Variants in CCDC141 observed in about 807,000 individuals in gnomAD.
The protein encoded by CCDC141 is coiled-coil domain containing 141.
CCDC141 carries 168 observed loss-of-function variants against 181.0 expected under a neutral mutation model. The observed-to-expected ratio is 0.93, with a 90% CI of 0.82 to 1.05. The LOEUF (loss-of-function observed/expected upper bound fraction) is 1.05. Ranked by LOEUF, CCDC141 falls within the 50% of genes least tolerant of loss-of-function variation. The pLI, the probability that CCDC141 is intolerant of heterozygous loss-of-function variation, is 0.00. For synonymous variants in CCDC141, 666 were observed against 642.3 expected, an observed-to-expected ratio of 1.04 and a Z score of -0.56; for missense variants, 1,902 against 1,788.5, an observed-to-expected ratio of 1.06 and a Z score of -1.14.
intron 4 of CCDC141, among the ~76,000 whole-genome samples, chr2:178,962,952 G>C (rs1006061219): frequency 2.6e-5 from 4 of 151,984 alleles, no homozygotes; most frequent in East Asian, 1.9e-4. Context: ...CATGTCAACT[G>C]TCACTTCCTC....
rs1349947634 is a variant in CCDC141 at position 178,878,039 on chromosome 2, C to G, written c.1824G>C (p.Lys608Asn). 1 of 1,613,912 alleles carries G rather than the reference C, an allele frequency of 6.2e-7. No homozygotes were observed. Among genetic ancestry groups the G allele is most frequent in the East Asian group, 2.2e-5 (1 of 44,866 alleles). The change falls in exon 12 of 24, where the codon AAG becomes AAC. Residue 608 changes from lysine (K) to asparagine (N), a missense_variant. Lys to Asn is a moderately conservative substitution (Grantham distance 94, BLOSUM62 0). Transcript: ENST00000443758. Reference sequence around the variant, plus strand: ...TCTTCTTTAAAAATAGCTGCCACTGCTTCTCAGCCGAGTCAGAACAATGCT... The same window carrying G: ...TCTTCTTTAAAAATAGCTGCCACTGGTTCTCAGCCGAGTCAGAACAATGCT... ...KAKHCSDSAE[K>N]QWQLFLKKSF...
At chr2:178,815,870 G>A in the CCDC141 span, among the ~76,000 whole-genome samples, 1 of 152,120 alleles carries the variant, frequency 6.6e-6, no homozygotes, top group Non-Finnish European at 1.5e-5. Context: ...TGAGTAGGGA[G>A]AGGCAACTGT....
In CCDC141 at chr2:178,853,478, C is replaced by A. The variant is rs373260016; in HGVS notation, c.3207G>T (p.Arg1069Ser). The A allele has an allele frequency of 1.9e-6, 3 of 1,614,004 alleles. No individual in the cohort carries two copies. Among genetic ancestry groups the A allele is most frequent in the African/African-American group, 2.7e-5 (2 of 74,930 alleles). ...GAGCAAGGTCAGTGGCCTCCTGAATCCTTTCTTCTTGCTGCGGCACTGAGG... is the reference window on the plus strand; with the variant it reads ...GAGCAAGGTCAGTGGCCTCCTGAATACTTTCTTCTTGCTGCGGCACTGAGG... ...IAPSVPQQEE[R>S]IQEATDLAQH... Residue 1069 changes from arginine to serine, a missense_variant, in exon 20 of 24, where the codon AGG (arginine) becomes AGT (serine). Arg to Ser is a moderately radical substitution (Grantham distance 110, BLOSUM62 -1). Transcript: ENST00000443758.
rs1307149657 is a variant in CCDC141, at chr2:178,984,350, G to A, written c.226-5675C>T. On this transcript the variant is annotated intron_variant, in intron 2 of 23. Transcript: ENST00000443758. ...TGGAAAGGAACAACCAGTACCAGCC[G>A]CTGCAAAATCATGCCAAAATGTAAC... Among the ~76,000 whole-genome samples the A allele has an allele frequency of 1.3e-4, 19 of 151,120 alleles. No individual in the cohort carries two copies. In the East Asian group the frequency reaches 1.6e-3, roughly 12 times the overall value.
intron 2 of CCDC141, among the ~76,000 whole-genome samples, chr2:178,997,927 C>T (rs746494031): frequency 1.3e-5 from 2 of 152,092 alleles, no homozygotes; most frequent in African/African-American, 2.4e-5. Flanking sequence ...CTATTGCTGT[C>T]GGCTGTAGAT....
chr2:179,046,662 G>A (rs991415132), intron 2 of CCDC141, among the ~76,000 whole-genome samples: 6 of 152,166 alleles, frequency 3.9e-5, no homozygotes, highest in Non-Finnish European at 8.8e-5. Context: ...CTTGCTTTTT[G>A]AACAAATGGC....
At chr2:178,816,754 C>A in the CCDC141 span, among the ~76,000 whole-genome samples, 1 of 152,094 alleles carries the variant, frequency 6.6e-6, no homozygotes, top group East Asian at 1.9e-4. Context: ...TGTATTCTGA[C>A]CCATTTTTTA....
In CCDC141 at chr2:178,977,884, G is replaced by T. The variant is rs549316642; in HGVS notation, c.417+600C>A. Among the ~76,000 whole-genome samples, 16 of 152,230 alleles carry T rather than the reference G, an allele frequency of 1.1e-4. No individual in the cohort carries two copies. In the East Asian group the frequency reaches 1.9e-3, roughly 18 times the overall value. ...TTGAAATTAGAAACCTCAAAAAATTGTAGAATTCGAGAAAAATCACATGGA... is the reference window on the plus strand; with the variant it reads ...TTGAAATTAGAAACCTCAAAAAATTTTAGAATTCGAGAAAAATCACATGGA... On this transcript the variant is annotated intron_variant, in intron 3 of 23. Coordinates refer to ENST00000443758, the MANE Select transcript of CCDC141 (RefSeq NM_173648.4).
intron 2 of CCDC141, among the ~76,000 whole-genome samples, chr2:179,033,575 A>T (rs1301304980): frequency 2.6e-5 from 4 of 152,222 alleles, no homozygotes; most frequent in Admixed American, 2.0e-4. Flanking sequence ...GAAGACTGGG[A>T]GTAGGGGATG....
intron 17 of CCDC141, among the ~76,000 whole-genome samples, chr2:178,862,030 C>T (rs1018379732): frequency 1.2e-4 from 19 of 152,144 alleles, no homozygotes; most frequent in African/African-American, 3.4e-4. Context: ...CAATGTCAGA[C>T]GGTTTTAATT....
intron 2 of CCDC141, among the ~76,000 whole-genome samples, chr2:179,037,740 T>A (rs1327549884): frequency 2.6e-5 from 4 of 152,180 alleles, no homozygotes; most frequent in Non-Finnish European, 4.4e-5. Flanking sequence ...AATAAGCACA[T>A]GAAAAGATGC....
rs145610810 is a variant in CCDC141 at position 178,834,397 on chromosome 2, C to T, written c.4369G>A (p.Val1457Ile). The change falls in exon 24 of 24, where the codon GTT becomes ATT. Residue 1457 changes from valine to isoleucine, a missense_variant. Val to Ile is a conservative substitution (Grantham distance 29). Transcript: ENST00000443758. Reference protein sequence around the residue: ...QKLSADGHLQVLHKETRHSVF... With the variant: ...QKLSADGHLQILHKETRHSVF... ...GAATGCCTTGTCTCCTTGTGTAAAA[C>T]CTGTAAGTGCCCATCTGCAGACAAT... is the stretch of plus-strand genomic sequence containing the variant. 9,947 of 1,536,374 alleles carry T rather than the reference C, an allele frequency of 6.5e-3. 48 individuals carry two copies. The highest frequency in any genetic ancestry group is 7.7e-3 in the Non-Finnish European group (8,874 of 1,146,870).
intron 2 of CCDC141, among the ~76,000 whole-genome samples, chr2:178,980,960 C>T (rs1691356774): frequency 1.3e-5 from 2 of 152,076 alleles, no homozygotes; most frequent in African/African-American, 4.8e-5. Flanking sequence ...TATGTTAATT[C>T]TACACAGAGA....
At position 178,886,800 on chromosome 2, in the gene CCDC141, T is replaced by C. The variant is rs538355813; in HGVS notation, c.1479A>G (p.Glu493=). 1 of 1,480,822 alleles carries C rather than the reference T, an allele frequency of 6.8e-7. No homozygotes were observed. The highest frequency in any genetic ancestry group is 1.4e-5 in the African/African-American group (1 of 69,226). 91.7% of individuals were successfully genotyped at this position (1,480,822 alleles called of 1,614,324 possible). The part of the protein sequence containing the change: ...NAMDVGSTRS[E]SEKILNKYLE... Reference sequence around the variant, plus strand: ...GATATTTATTCAAAATCTTCTCTGATTCAGAACGGGTAGAACCAACATCCA... The same window carrying C: ...GATATTTATTCAAAATCTTCTCTGACTCAGAACGGGTAGAACCAACATCCA... Residue 493 remains glutamate, a synonymous_variant, in exon 10 of 24, where the codon GAA becomes GAG. Coordinates refer to ENST00000443758, the MANE Select transcript of CCDC141 (RefSeq NM_173648.4).
chr2:178,859,450 G>A (rs1346133458), intron 17 of CCDC141, among the ~76,000 whole-genome samples: 3 of 152,050 alleles, frequency 2.0e-5, no homozygotes, highest in Non-Finnish European at 2.9e-5. Flanking sequence ...TGTCAACAAT[G>A]GGGAATGGCG....
intron 17 of CCDC141, among the ~76,000 whole-genome samples, chr2:178,858,409 T>C (rs1685473459): frequency 6.7e-6 from 1 of 150,330 alleles, no homozygotes; most frequent in Non-Finnish European, 1.5e-5. Flanking sequence ...CATAAAATTT[T>C]GGCAGGAGTT....
chr2:178,877,746 A>G (rs942676778), intron 12 of CCDC141: 3 of 592,002 alleles, frequency 5.1e-6, no homozygotes, highest in Non-Finnish European at 5.9e-6. Context: ...CTTTCTTCTT[A>G]ATAGTTAAAA....
At chr2:178,926,339 A>C (rs1688908509) in intron 6 of CCDC141, among the ~76,000 whole-genome samples, 1 of 152,192 alleles carries the variant, frequency 6.6e-6, no homozygotes, top group Non-Finnish European at 1.5e-5. Context: ...ATTCTATAAA[A>C]ATAGTAGTTT....
Position 178,868,180 on chromosome 2 carries a change from T to C in CCDC141, c.2420A>G (p.Glu807Gly). 1 of 1,611,300 alleles carries C rather than the reference T, an allele frequency of 6.2e-7. No individual in the cohort carries two copies. Among genetic ancestry groups the C allele is most frequent in the Non-Finnish European group, 8.5e-7 (1 of 1,177,672 alleles). ...EELGRLIKSR[E>G]LEFVEQPKEL... ...CTTCGGCTGCTCTACAAACTCCAGC[T>C]CTCTTGATTTGATGAGACGTCCCAG... Residue 807 changes from glutamate (E) to glycine (G), a missense_variant, in exon 16 of 24, where the codon GAG becomes GGG. Transcript: ENST00000443758.
Sources: gnomAD v4.1 joint callset for allele counts (sites outside exome capture counted in the v4.1 genomes callset) on GRCh38, gnomAD v4.1.1 for gene constraint, MANE v1.5 for transcripts, NCBI Gene and HGNC (gene_info 2026-07-23, HGNC 2026-07-21) for gene names.